GTF2A1L: variants seen among roughly 807,000 people sequenced by gnomAD.
GTF2A1L encodes the protein TFIIA-alpha and beta-like factor.
GTF2A1L carries 48 observed loss-of-function variants against 49.7 expected under a neutral mutation model. That is an observed-to-expected ratio of 0.97 (90% CI 0.77 to 1.23). GTF2A1L has a LOEUF of 1.23. GTF2A1L is among the 50% of genes most tolerant of loss of function. GTF2A1L has a pLI of 0.00. For synonymous variants in GTF2A1L, 246 were observed against 193.5 expected (o/e 1.27, Z -2.25); for missense variants, 736 against 564.8 (o/e 1.30, Z -3.07).
At chr2:48,643,107 GT>G (rs773346672) in intron 4 of GTF2A1L, among the ~76,000 whole-genome samples, 3 of 151,446 alleles carry the variant, frequency 2.0e-5, no homozygotes, top group East Asian at 1.9e-4. Flanking sequence ...TAATTTTGAG[GT>G]TTTTTTTCAG....
At chr2:48,675,449 G>T (rs867279974) in intron 8 of GTF2A1L, among the ~76,000 whole-genome samples, 10 of 151,998 alleles carry the variant, frequency 6.6e-5, no homozygotes, top group African/African-American at 2.4e-4. Flanking sequence ...ATTAACAATT[G>T]GGGGGAAAAC....
rs370778954 is a variant in GTF2A1L at position 48,664,921 on chromosome 2, T to C, written c.979-4801T>C. Among the ~76,000 whole-genome samples the C allele has an allele frequency of 1.6e-3, 248 of 152,228 alleles. 2 individuals carry two copies. The highest frequency in any genetic ancestry group is 5.5e-3 in the African/African-American group (228 of 41,536). ...GTCGTGCTAGAGGTTTTTCTATTTATTTATTTGTTTATTTATTGAGACAGA... is the reference window on the plus strand; with the variant it reads ...GTCGTGCTAGAGGTTTTTCTATTTACTTATTTGTTTATTTATTGAGACAGA... On this transcript the variant is annotated intron_variant, in intron 6 of 8. Transcript: ENST00000403751.
Position 48,669,726 on chromosome 2 carries a change from C to A in GTF2A1L, c.983C>A (p.Ser328Tyr). Residue 328 changes from serine to tyrosine, a missense_variant, in exon 7 of 9, where the codon TCT (serine) becomes TAT (tyrosine). Transcript: ENST00000403751. ...TGTATTTCTTTCTCTTTTTAGGATT[C>A]TAATTCTCAGGTGGATTTAAGCATT... ...PSNIPVSEKD[S>Y]NSQVDLSIRV... 6.2e-7 allele frequency: 1 copy of A among 1,604,704 alleles called. No homozygotes were observed. The highest frequency in any genetic ancestry group is 1.3e-5 in the African/African-American group (1 of 74,740).
chr2:48,618,477 A>T (rs752987671), intron 1 of GTF2A1L, among the ~76,000 whole-genome samples: 1 of 152,188 alleles, frequency 6.6e-6, no homozygotes, highest in African/African-American at 2.4e-5. Flanking sequence ...CATCAATCTT[A>T]AAAACCTGAA....
At chr2:48,666,349 G>A (rs1240062962) in intron 6 of GTF2A1L, among the ~76,000 whole-genome samples, 1 of 151,990 alleles carries the variant, frequency 6.6e-6, no homozygotes, top group Non-Finnish European at 1.5e-5. Context: ...GGGATTACAG[G>A]CATGTGCCAC....
At chr2:48,656,395 G>C (rs1477600427) in intron 6 of GTF2A1L, among the ~76,000 whole-genome samples, 1 of 145,336 alleles carries the variant, frequency 6.9e-6, no homozygotes, top group African/African-American at 2.6e-5. Context: ...GCTACCCTAA[G>C]GGGTTTGAAG....
At chr2:48,621,359 C>T (rs911379820) in intron 3 of GTF2A1L, 69 bp downstream of exon 3, 1 of 1,605,650 alleles carries the variant, frequency 6.2e-7, no homozygotes, top group Admixed American at 1.7e-5. Flanking sequence ...GAATGTTTTT[C>T]AGTTAGACAG....
intron 8 of GTF2A1L, 84 bp downstream of exon 8, chr2:48,671,764 A>G: frequency 7.8e-7 from 1 of 1,286,998 alleles, no homozygotes; most frequent in Non-Finnish European, 1.1e-6. Flanking sequence ...AATAAGATGA[A>G]GAGTTACACT....
chr2:48,665,823 G>A (rs567387649), intron 6 of GTF2A1L, among the ~76,000 whole-genome samples: 42 of 152,174 alleles, frequency 2.8e-4, no homozygotes, highest in South Asian at 8.3e-4. Context: ...GGTTAAGTTG[G>A]TTGATTGCAT....
rs1558770736 is a variant in GTF2A1L, at chr2:48,669,926, G to A, written c.1183G>A (p.Asp395Asn). Residue 395 changes from aspartate to asparagine, a missense_variant, in exon 7 of 9, where the codon GAT becomes AAT. Asp to Asn is a conservative substitution (Grantham distance 23). Coordinates refer to ENST00000403751, the MANE Select transcript of GTF2A1L (RefSeq NM_006872.5). ...AGAAGCTGACAGTATTTCAAATGAG[G>A]ATTCAGCCACAAACAGTAGTGATAA... Reference protein sequence around the residue: ...EEEADSISNEDSATNSSDNED... With the variant: ...EEEADSISNENSATNSSDNED... 2.5e-6 allele frequency: 4 copies of A among 1,614,056 alleles called. No individual in the cohort carries two copies. Among genetic ancestry groups the A allele is most frequent in the Non-Finnish European group, 3.4e-6 (4 of 1,180,010 alleles).
At chr2:48,644,124 T>C (rs1677364738) in intron 4 of GTF2A1L, among the ~76,000 whole-genome samples, 1 of 152,162 alleles carries the variant, frequency 6.6e-6, no homozygotes, top group Non-Finnish European at 1.5e-5. Context: ...TGAGTTATGA[T>C]TGCACCACTG....
intron 5 of GTF2A1L, among the ~76,000 whole-genome samples, chr2:48,646,006 T>G (rs1677482719): frequency 6.6e-6 from 1 of 152,046 alleles, no homozygotes; most frequent in South Asian, 2.1e-4. Context: ...GAAATTTGAT[T>G]ACTTTTGAAA....
At chr2:48,619,432 C>T (rs1464726) in intron 1 of GTF2A1L, among the ~76,000 whole-genome samples, 147,235 of 150,920 alleles carry the variant, frequency 0.98, 71,841 homozygotes, top group East Asian at 1. Context: ...ATTGTGCTAC[C>T]GTACTCCAGC....
chr2:48,638,874 G>C (rs1212433014), intron 3 of GTF2A1L, among the ~76,000 whole-genome samples: 1 of 152,102 alleles, frequency 6.6e-6, no homozygotes, highest in Non-Finnish European at 1.5e-5. Context: ...CTTCAGCAAA[G>C]TTTTGGATAC....
chr2:48,630,141 T>C (rs1189726106), intron 3 of GTF2A1L, among the ~76,000 whole-genome samples: 1 of 144,102 alleles, frequency 6.9e-6, no homozygotes, highest in African/African-American at 2.5e-5. Flanking sequence ...AGTTTTTTTC[T>C]AGTTCTGTGA....
At chr2:48,658,353 T>C (rs142366520) in intron 6 of GTF2A1L, among the ~76,000 whole-genome samples, 38 of 152,318 alleles carry the variant, frequency 2.5e-4, no homozygotes, top group African/African-American at 9.1e-4. Flanking sequence ...ATTTATTGAA[T>C]AGGGAGTCCT....
intron 6 of GTF2A1L, among the ~76,000 whole-genome samples, chr2:48,655,438 A>G (rs950812256): frequency 2.6e-5 from 4 of 152,094 alleles, no homozygotes; most frequent in Non-Finnish European, 5.9e-5. Flanking sequence ...CACTTGTCTC[A>G]CTTTGGCTTC....
At chr2:48,661,367 C>T (rs1558757711) in intron 6 of GTF2A1L, among the ~76,000 whole-genome samples, 1 of 147,522 alleles carries the variant, frequency 6.8e-6, no homozygotes, top group Non-Finnish European at 1.5e-5. Context: ...GATTCTCCTG[C>T]CTCAGCCTCC....
intron 3 of GTF2A1L, among the ~76,000 whole-genome samples, chr2:48,630,322 A>G (rs1038860950): frequency 1.4e-5 from 2 of 143,788 alleles, no homozygotes; most frequent in Non-Finnish European, 3.1e-5. Context: ...CTCCTTGTAG[A>G]GATCTTTCCC....
Sources: gnomAD v4.1 joint callset for allele counts (sites outside exome capture counted in the v4.1 genomes callset) on GRCh38, gnomAD v4.1.1 for gene constraint, MANE v1.5 for transcripts, NCBI Gene and HGNC (gene_info 2026-07-23, HGNC 2026-07-21) for gene names.